KCNQ3: variants seen among roughly 807,000 people sequenced by gnomAD.
KCNQ3 encodes potassium voltage-gated channel subfamily KQT member 3.
In KCNQ3, 30 loss-of-function variants were observed where a neutral mutation model predicts 92.5. That is an observed-to-expected ratio of 0.32 (90% confidence interval 0.24 to 0.44). The LOEUF (loss-of-function observed/expected upper bound fraction) is 0.44. Among genes scored for constraint, KCNQ3 ranks in the 20% least tolerant of loss-of-function variants. The pLI, the probability that KCNQ3 is intolerant of heterozygous loss-of-function variation, is 1.00. For missense variants in KCNQ3, 913 were observed against 1,140.3 expected (o/e 0.80, Z 2.87); for synonymous variants, 450 against 468.8 (o/e 0.96, Z 0.52).
intron 1 of KCNQ3, among the ~76,000 whole-genome samples, chr8:132,207,729 A>C (rs1813709961): frequency 6.6e-6 from 1 of 151,326 alleles, no homozygotes; most frequent in Non-Finnish European, 1.5e-5. Flanking sequence ...TCCCATTAGC[A>C]CCTTTCTACA....
chr8:132,471,876 AG>A (rs1233350605), intron 1 of KCNQ3, among the ~76,000 whole-genome samples: 1 of 152,184 alleles, frequency 6.6e-6, no homozygotes, highest in African/African-American at 2.4e-5. Context: ...TTCATCGACA[AG>A]GGACTAGTAT....
intron 1 of KCNQ3, among the ~76,000 whole-genome samples, chr8:132,300,767 A>T (rs1817188382): frequency 6.6e-6 from 1 of 151,782 alleles, no homozygotes; most frequent in South Asian, 2.1e-4. Flanking sequence ...ATATAAAGGG[A>T]CTCCACCTGC....
At chr8:132,471,714 A>G (rs1412188461) in intron 1 of KCNQ3, among the ~76,000 whole-genome samples, 1 of 152,196 alleles carries the variant, frequency 6.6e-6, no homozygotes, top group African/African-American at 2.4e-5. Context: ...GTCTAGGCAA[A>G]TATTTTATGC....
At chr8:132,270,016 G>A (rs140380720) in intron 1 of KCNQ3, among the ~76,000 whole-genome samples, 6 of 152,050 alleles carry the variant, frequency 3.9e-5, no homozygotes, top group Admixed American at 1.3e-4. Flanking sequence ...GTGATTAATT[G>A]TTGAGTAGTT....
At chr8:132,378,379 A>T (rs1819664552) in intron 1 of KCNQ3, among the ~76,000 whole-genome samples, 1 of 152,100 alleles carries the variant, frequency 6.6e-6, no homozygotes, top group Non-Finnish European at 1.5e-5. Flanking sequence ...GTGACAGAGC[A>T]AGACTCTCTC....
At chr8:132,335,832 C>CT (rs1448926128) in intron 1 of KCNQ3, among the ~76,000 whole-genome samples, 2 of 150,866 alleles carry the variant, frequency 1.3e-5, no homozygotes, top group East Asian at 1.9e-4. Context: ...TGTGTCACCT[C>CT]TTTTTGTAGG....
At chr8:132,213,971 C>T (rs770600336) in intron 1 of KCNQ3, among the ~76,000 whole-genome samples, 4 of 152,014 alleles carry the variant, frequency 2.6e-5, no homozygotes, top group Non-Finnish European at 4.4e-5. Context: ...GAAAAAACCA[C>T]GGAAAATACA....
intron 1 of KCNQ3, among the ~76,000 whole-genome samples, chr8:132,326,881 T>C (rs1818068811): frequency 6.6e-6 from 1 of 152,194 alleles, no homozygotes; most frequent in Non-Finnish European, 1.5e-5. Flanking sequence ...ATTTACTCAT[T>C]TGCCTTATCA....
chr8:132,359,574 T>A (rs940462069), intron 1 of KCNQ3, among the ~76,000 whole-genome samples: 1 of 152,122 alleles, frequency 6.6e-6, no homozygotes, highest in African/African-American at 2.4e-5. Flanking sequence ...GGGTACCAAT[T>A]GAATCTGCTT....
intron 1 of KCNQ3, among the ~76,000 whole-genome samples, chr8:132,381,871 G>C (rs1050984154): frequency 6.6e-6 from 1 of 152,202 alleles, no homozygotes; most frequent in African/African-American, 2.4e-5. Context: ...CTTTGTCTCA[G>C]GTCAAACTGA....
At chr8:132,471,726 C>T (rs1056524505) in intron 1 of KCNQ3, among the ~76,000 whole-genome samples, 7 of 152,016 alleles carry the variant, frequency 4.6e-5, no homozygotes, top group African/African-American at 1.5e-4. Flanking sequence ...ATTTTATGCC[C>T]GTGACCTCAA....
chr8:132,249,806 G>A (rs1356600000), intron 1 of KCNQ3, among the ~76,000 whole-genome samples: 1 of 152,198 alleles, frequency 6.6e-6, no homozygotes, highest in Non-Finnish European at 1.5e-5. Flanking sequence ...GCCCCGCAAA[G>A]AGGCAGCTGA....
At chr8:132,400,322 C>T (rs1472737650) in intron 1 of KCNQ3, among the ~76,000 whole-genome samples, 2 of 152,188 alleles carry the variant, frequency 1.3e-5, no homozygotes, top group African/African-American at 2.4e-5. Flanking sequence ...AACCACGATC[C>T]GATTTGCAGG....
chr8:132,164,835 C>T (rs1336038163), intron 8 of KCNQ3, among the ~76,000 whole-genome samples: 3 of 152,144 alleles, frequency 2.0e-5, no homozygotes, highest in Non-Finnish European at 4.4e-5. Flanking sequence ...CTTCTACCAT[C>T]AGACTTCTCT....
At chr8:132,150,375 G>A (rs1285129428) in intron 9 of KCNQ3, among the ~76,000 whole-genome samples, 1 of 152,136 alleles carries the variant, frequency 6.6e-6, no homozygotes, top group Non-Finnish European at 1.5e-5. Context: ...TTTGATATGT[G>A]AGCTTTTGTG....
intron 1 of KCNQ3, among the ~76,000 whole-genome samples, chr8:132,420,641 T>C (rs2130810007): frequency 6.6e-6 from 1 of 152,346 alleles, no homozygotes; most frequent in Non-Finnish European, 1.5e-5. Context: ...AAGAATCCTC[T>C]GGGAAAGCAT....
chr8:132,394,555 C>A (rs796694904), intron 1 of KCNQ3, among the ~76,000 whole-genome samples: 1 of 152,130 alleles, frequency 6.6e-6, no homozygotes, highest in Non-Finnish European at 1.5e-5. Flanking sequence ...ATCCTGATCA[C>A]CCTTGAAGGA....
intron 1 of KCNQ3, among the ~76,000 whole-genome samples, chr8:132,311,736 A>C (rs966428334): frequency 2.0e-5 from 3 of 152,210 alleles, no homozygotes; most frequent in Admixed American, 6.5e-5. Flanking sequence ...TGAGGAAAAA[A>C]ATTGGTCACC....
chr8:132,253,688 G>T (rs1815488535), intron 1 of KCNQ3, among the ~76,000 whole-genome samples: 1 of 152,080 alleles, frequency 6.6e-6, no homozygotes, highest in South Asian at 2.1e-4. Flanking sequence ...TTAGAGAAAA[G>T]GTCTATGAAA....
Sources: allele counts gnomAD v4.1 joint callset (sites outside exome capture counted in the v4.1 genomes callset), GRCh38; gene constraint gnomAD v4.1.1; transcripts MANE v1.5; gene names NCBI Gene and HGNC (gene_info 2026-07-23, HGNC 2026-07-21).